The following KIF6 variants were observed in gnomAD, a reference collection of about 807,000 sequenced individuals.
KIF6 encodes the protein kinesin-like protein KIF6.
A neutral mutation model predicts 112.7 loss-of-function variants in KIF6; 106 were observed. The ratio of observed to expected loss-of-function variants is 0.94; its 90% CI spans 0.80 to 1.11. The LOEUF is 1.11. KIF6 is among the 50% of genes least tolerant of loss of function. KIF6 has a pLI of 0.00. For missense variants in KIF6, 929 were observed against 964.0 expected, an observed-to-expected ratio of 0.96 and a Z score of 0.48; for synonymous variants, 339 against 339.9, an observed-to-expected ratio of 1.00 and a Z score of 0.03.
chr6:39,540,303 C>A, intron 12 of KIF6, 82 bp from the exon 13 acceptor site: 3 of 889,080 alleles, frequency 3.4e-6, no homozygotes, highest in Non-Finnish European at 5.2e-6. Flanking sequence ...CATTAATGTT[C>A]CTAACATTTG....
intron 13 of KIF6, among the ~76,000 whole-genome samples, chr6:39,509,459 T>C (rs1211457838): frequency 6.6e-6 from 1 of 152,104 alleles, no homozygotes; most frequent in African/African-American, 2.4e-5. Context: ...TTCTAATCCA[T>C]TGCAAGGAAG....
At chr6:39,573,748 G>C (rs2150626635) in intron 10 of KIF6, among the ~76,000 whole-genome samples, 1 of 152,220 alleles carries the variant, frequency 6.6e-6, no homozygotes, top group Admixed American at 6.5e-5. Context: ...AGTAATTATT[G>C]ATATCTCTGC....
intron 3 of KIF6, among the ~76,000 whole-genome samples, chr6:39,672,497 T>C (rs1786882608): frequency 6.6e-6 from 1 of 152,352 alleles, no homozygotes; most frequent in Non-Finnish European, 1.5e-5. Flanking sequence ...TATGAACTTT[T>C]CAGAATTCTT....
At chr6:39,544,180 C>T (rs1258864298) in intron 12 of KIF6, among the ~76,000 whole-genome samples, 1 of 152,138 alleles carries the variant, frequency 6.6e-6, no homozygotes, top group Non-Finnish European at 1.5e-5. Flanking sequence ...GTCTGGTCAG[C>T]TTGCTAAAGA....
intron 16 of KIF6, among the ~76,000 whole-genome samples, chr6:39,365,747 A>G (rs1404646706): frequency 6.6e-6 from 1 of 152,176 alleles, no homozygotes; most frequent in Admixed American, 6.5e-5. Context: ...ACCCCCAAGA[A>G]ATTCAGTGAA....
At chr6:39,443,467 A>G (rs889913492) in intron 13 of KIF6, among the ~76,000 whole-genome samples, 1 of 151,944 alleles carries the variant, frequency 6.6e-6, no homozygotes, top group Non-Finnish European at 1.5e-5. Context: ...TATTTAAGAC[A>G]GAGTCTTGCT....
At chr6:39,340,254 G>T (rs2113887641) in intron 22 of KIF6, among the ~76,000 whole-genome samples, 1 of 152,342 alleles carries the variant, frequency 6.6e-6, no homozygotes, top group South Asian at 2.1e-4. Flanking sequence ...TTGAGCTGTG[G>T]AAGTTTTGTT....
At position 39,446,686 on chromosome 6, in the gene KIF6, C is replaced by T. The variant is rs1772347473; in HGVS notation, c.1646-15525G>A. ...TGTATTTTTAGTAGAGACGGGGTTTCACCATGTTGGCCAGGCTGGTCTTAA... is the reference window on the plus strand; with the variant it reads ...TGTATTTTTAGTAGAGACGGGGTTTTACCATGTTGGCCAGGCTGGTCTTAA... On this transcript the variant is annotated intron_variant, in intron 13 of 22. Transcript: ENST00000287152. Among the ~76,000 whole-genome samples, 4 of 152,204 alleles carry T rather than the reference C, an allele frequency of 2.6e-5. No homozygotes were observed. The South Asian group carries it at 6.2e-4, about 24-fold the overall frequency.
rs369882441 is a variant in KIF6 at position 39,399,360 on chromosome 6, C to G, written c.1811-13688G>C. On this transcript the variant is annotated intron_variant, in intron 15 of 22. Transcript: ENST00000287152. ...GAATGGAGACTTTCATCCAGGTACT[C>G]AATAGTGGTCACAACAATGAGGGAA... is the stretch of plus-strand genomic sequence containing the variant. Among the ~76,000 whole-genome samples the G allele has an allele frequency of 1.1e-4, 17 of 152,212 alleles. No individual in the cohort carries two copies. The South Asian group carries it at 2.1e-3, about 19-fold the overall frequency.
chr6:39,591,719 G>A (rs1287243644), intron 7 of KIF6, among the ~76,000 whole-genome samples: 1 of 152,242 alleles, frequency 6.6e-6, no homozygotes, highest in Admixed American at 6.5e-5. Context: ...ATTCAGGAAA[G>A]AGGCAGAGGT....
intron 13 of KIF6, among the ~76,000 whole-genome samples, chr6:39,520,392 T>C (rs567049639): frequency 1.4e-4 from 22 of 152,318 alleles, no homozygotes; most frequent in Admixed American, 5.9e-4. Context: ...CCAAAGCACA[T>C]AGCCTGTCTA....
At chr6:39,625,878 G>A (rs968001595) in intron 5 of KIF6, among the ~76,000 whole-genome samples, 1 of 152,132 alleles carries the variant, frequency 6.6e-6, no homozygotes, top group Non-Finnish European at 1.5e-5. Flanking sequence ...GTGAGAAAAA[G>A]GGTGAGAGGC....
chr6:39,714,699 C>T lies in KIF6; in HGVS notation c.244G>A (p.Ala82Thr), dbSNP rs1789731870. 2 of 1,613,362 alleles carry T rather than the reference C, an allele frequency of 1.2e-6. No homozygotes were observed. The highest frequency in any genetic ancestry group is 4.5e-5 in the East Asian group (2 of 44,872). Residue 82 changes from alanine (A) to threonine (T), a missense_variant, in exon 3 of 23, where the codon GCT becomes ACT. Physicochemically the swap from Ala to Thr is moderately conservative, Grantham distance 58. Around this residue, in one of 2 missense-constraint regions of KIF6, gnomAD observed 688 missense variants for 662.7 expected, o/e 1.04. Coordinates refer to ENST00000287152, the MANE Select transcript of KIF6 (RefSeq NM_145027.6). ...TVFENIAKPVAGSVLAGYNGT... is the reference protein window; with the variant it reads ...TVFENIAKPVTGSVLAGYNGT... Reference sequence around the variant, plus strand: ...AAATATGGGAAATCCTACCTCCCAGCAACTGGTTTGGCAATGTTTTCAAAA... The same window carrying T: ...AAATATGGGAAATCCTACCTCCCAGTAACTGGTTTGGCAATGTTTTCAAAA...
intron 13 of KIF6, among the ~76,000 whole-genome samples, chr6:39,469,414 C>A (rs1216397342): frequency 6.6e-6 from 1 of 151,840 alleles, no homozygotes; most frequent in Admixed American, 6.6e-5. Flanking sequence ...TAACTGTATG[C>A]TATAAAAGAT....
At chr6:39,371,402 A>G (rs1373676119) in intron 16 of KIF6, among the ~76,000 whole-genome samples, 1 of 152,160 alleles carries the variant, frequency 6.6e-6, no homozygotes, top group Non-Finnish European at 1.5e-5. Flanking sequence ...GGGGAACAGC[A>G]GCAAGTAACT....
At chr6:39,687,441 T>A (rs950651433) in intron 3 of KIF6, among the ~76,000 whole-genome samples, 1 of 152,226 alleles carries the variant, frequency 6.6e-6, no homozygotes, top group Admixed American at 6.5e-5. Flanking sequence ...AGAATTGTTC[T>A]CTAAAAGGTC....
In KIF6 at chr6:39,613,322, A is replaced by G. The variant is rs773751069; in HGVS notation, c.510-4T>C. Reference sequence around the variant, plus strand: ...ATCCTCCAGTATTGTCACTTTCCTAAGCAAATGGGAAGCAAGAAAACAAGG... The same window carrying G: ...ATCCTCCAGTATTGTCACTTTCCTAGGCAAATGGGAAGCAAGAAAACAAGG... On this transcript the variant is annotated splice_region_variant and splice_polypyrimidine_tract_variant and intron_variant, in intron 5 of 22. Coordinates refer to ENST00000287152, the MANE Select transcript of KIF6 (RefSeq NM_145027.6). The G allele has an allele frequency of 5.1e-6, 8 of 1,567,000 alleles. 1 individual carries two copies. The highest frequency in any genetic ancestry group is 3.6e-5 in the South Asian group (3 of 82,762).
chr6:39,362,392 G>C, intron 17 of KIF6, 42 bp downstream of exon 17: 1 of 1,482,236 alleles, frequency 6.7e-7, no homozygotes. Flanking sequence ...TGAGACCCTG[G>C]GAGGCTGGGC....
At chr6:39,575,536 C>T (rs1043178199) in intron 10 of KIF6, among the ~76,000 whole-genome samples, 1 of 152,176 alleles carries the variant, frequency 6.6e-6, no homozygotes, top group Non-Finnish European at 1.5e-5. Context: ...TTCCAAAGTG[C>T]TGGGATTACA....
Sources: allele counts gnomAD v4.1 joint callset (sites outside exome capture counted in the v4.1 genomes callset), GRCh38; gene constraint gnomAD v4.1.1; regional missense constraint gnomAD v4.1.1; transcripts MANE v1.5; gene names NCBI Gene and HGNC (gene_info 2026-07-23, HGNC 2026-07-21).